Variants in PRKDC observed in about 807,000 individuals in gnomAD.
The protein encoded by PRKDC is DNA-dependent protein kinase catalytic subunit.
A neutral mutation model predicts 486.9 loss-of-function variants in PRKDC; 82 were observed. That is an observed-to-expected ratio of 0.17 (90% CI 0.14 to 0.20). The LOEUF (loss-of-function observed/expected upper bound fraction) is 0.20. Ranked by LOEUF, PRKDC falls within the 10% of genes least tolerant of loss-of-function variation. The pLI is 1.00. For synonymous variants in PRKDC, 1,895 were observed against 1,837.0 expected, an observed-to-expected ratio of 1.03 and a Z score of -0.81; for missense variants, 4,504 against 5,038.2, an observed-to-expected ratio of 0.89 and a Z score of 3.21.
chr8:47,917,352 T>A (rs2090002989), intron 22 of PRKDC, among the ~76,000 whole-genome samples: 1 of 152,228 alleles, frequency 6.6e-6, no homozygotes, highest in Non-Finnish European at 1.5e-5. Flanking sequence ...ATAAAAACTT[T>A]TATGCCGCCA....
At chr8:47,885,698 C>T (rs2089311927) in intron 36 of PRKDC, among the ~76,000 whole-genome samples, 1 of 152,136 alleles carries the variant, frequency 6.6e-6, no homozygotes, top group South Asian at 2.1e-4. Flanking sequence ...CAAGACCAGC[C>T]TGGCCAACAT....
chr8:47,797,957 C>A (rs1475333604), intron 73 of PRKDC, among the ~76,000 whole-genome samples: 1 of 152,232 alleles, frequency 6.6e-6, no homozygotes, highest in African/African-American at 2.4e-5. Flanking sequence ...AAGTTTCCCA[C>A]ACAAGATCCC....
At chr8:47,846,268 T>C in intron 54 of PRKDC, among the ~76,000 whole-genome samples, 1 of 151,838 alleles carries the variant, frequency 6.6e-6, no homozygotes, top group East Asian at 1.9e-4. Flanking sequence ...ATACAAAAAT[T>C]AGCCAGGCAT....
intron 29 of PRKDC, 135 bp from the exon 30 acceptor site, chr8:47,897,429 T>A: frequency 1.2e-6 from 1 of 840,902 alleles, no homozygotes; most frequent in East Asian, 2.6e-5. Context: ...TTCGACTTAT[T>A]TTTAATGTAT....
At chr8:47,920,813 T>C (rs1022613226) in intron 21 of PRKDC, among the ~76,000 whole-genome samples, 1 of 152,232 alleles carries the variant, frequency 6.6e-6, no homozygotes, top group African/African-American at 2.4e-5. Flanking sequence ...TGGTGTAATA[T>C]ACATAACATG....
Position 47,886,078 on chromosome 8 carries a change from C to T in PRKDC, c.4642G>A (p.Gly1548Ser). The T allele has an allele frequency of 6.2e-7, 1 of 1,613,566 alleles. No individual in the cohort carries two copies. The highest frequency in any genetic ancestry group is 8.5e-7 in the Non-Finnish European group (1 of 1,179,886). The change falls in exon 36 of 86, where the codon GGC becomes AGC. Residue 1548 changes from glycine to serine, a missense_variant. Around this residue, in one of 6 missense-constraint regions of PRKDC, gnomAD observed 1,969 missense variants for 2,068.9 expected, o/e 0.95. Coordinates refer to ENST00000314191, the MANE Select transcript of PRKDC (RefSeq NM_006904.7). ...LSTASLGSSQ[G>S]SVIHFSHGEY... ...CCATGGGAGAAGTGGATGACGCTGC[C>T]CTGTGAGCTGCCCAAGGACGCCGTG...
intron 7 of PRKDC, among the ~76,000 whole-genome samples, chr8:47,948,111 C>T (rs1475944407): frequency 6.6e-6 from 1 of 151,268 alleles, no homozygotes; most frequent in Non-Finnish European, 1.5e-5. Context: ...CACACACACA[C>T]ACACACACAC....
chr8:47,881,230 A>AAACAAAC (rs919927296), intron 38 of PRKDC, among the ~76,000 whole-genome samples, 186 bp downstream of exon 38: 1 of 152,176 alleles, frequency 6.6e-6, no homozygotes, highest in Non-Finnish European at 1.5e-5. Flanking sequence ...CGCACAGGTG[A>AAACAAAC]AACAAACACA....
At position 47,859,642 on chromosome 8, in the gene PRKDC, G is replaced by A; in HGVS notation, c.6176C>T (p.Pro2059Leu). Reference protein sequence around the residue: ...VQSYSYSSQDPRPATGRFRRR... With the variant: ...VQSYSYSSQDLRPATGRFRRR... ...CCGAAAACGACCAGTGGCAGGTCTA[G>A]GGTCTTGGGAGCTGTATGAATAGCT... Residue 2059 changes from proline to leucine, a missense_variant, in exon 46 of 86, where the codon CCT becomes CTT. Physicochemically the swap from Pro to Leu is moderately conservative, Grantham distance 98. Coordinates refer to ENST00000314191, the MANE Select transcript of PRKDC (RefSeq NM_006904.7). 1 of 1,613,616 alleles carries A rather than the reference G, an allele frequency of 6.2e-7. No homozygotes were observed. Among genetic ancestry groups the A allele is most frequent in the South Asian group, 1.1e-5 (1 of 90,952 alleles).
rs760870903 is a variant in PRKDC, at chr8:47,918,259, A to G, written c.2526+18T>C. On this transcript the variant is annotated intron_variant, in intron 22 of 85. Transcript: ENST00000314191. ...CTCTGCATTATGTAAGGTACAGAAAATACAAAGGACTTCTTACTGATGAAA... is the reference window on the plus strand; with the variant it reads ...CTCTGCATTATGTAAGGTACAGAAAGTACAAAGGACTTCTTACTGATGAAA... 11 of 1,505,038 alleles carry G rather than the reference A, an allele frequency of 7.3e-6. No homozygotes were observed. The Admixed American group carries it at 2.2e-4, about 31-fold the overall frequency. 93.2% of individuals were successfully genotyped at this position (1,505,038 alleles called of 1,614,324 possible). A position where few individuals can be genotyped will look rare whatever the true frequency, so the allele number is the denominator to read the frequency against.
chr8:47,843,826 C>G (rs1255796360), intron 54 of PRKDC, among the ~76,000 whole-genome samples: 2 of 152,174 alleles, frequency 1.3e-5, no homozygotes, highest in Non-Finnish European at 2.9e-5. Flanking sequence ...AAATAAAGTC[C>G]TTTTCAGACA....
chr8:47,817,286 C>G (rs1428855767), intron 68 of PRKDC, among the ~76,000 whole-genome samples, 164 bp downstream of exon 68: 6 of 152,130 alleles, frequency 3.9e-5, no homozygotes, highest in Admixed American at 3.9e-4. Context: ...ACACTGCAGA[C>G]ACGGAGAGCT....
chr8:47,868,009 A>G (rs1246462749), intron 40 of PRKDC, among the ~76,000 whole-genome samples: 1 of 152,170 alleles, frequency 6.6e-6, no homozygotes, highest in Non-Finnish European at 1.5e-5. Context: ...CCAGAGAGAA[A>G]AGCAACCTTT....
intron 17 of PRKDC, 40 bp from the exon 18 acceptor site, chr8:47,930,052 T>C (rs1053437074): frequency 4.5e-6 from 7 of 1,538,598 alleles, no homozygotes; most frequent in Non-Finnish European, 5.3e-6. Flanking sequence ...GAAATTTGTA[T>C]CATTCTGATC....
At chr8:47,852,485 AT>A (rs1336410347) in intron 52 of PRKDC, among the ~76,000 whole-genome samples, 187 bp downstream of exon 52, 2 of 152,256 alleles carry the variant, frequency 1.3e-5, no homozygotes, top group African/African-American at 4.8e-5. Context: ...TTTAAAAATC[AT>A]GTGCCCTCTC....
intron 54 of PRKDC, among the ~76,000 whole-genome samples, chr8:47,845,157 GT>G: frequency 1.3e-5 from 2 of 152,246 alleles, no homozygotes; most frequent in Non-Finnish European, 2.9e-5. Context: ...GGAGGTGGAG[GT>G]TGCAGTGAGC....
intron 28 of PRKDC, 53 bp downstream of exon 28, chr8:47,900,320 T>G (rs1202843180): frequency 2.2e-6 from 3 of 1,336,142 alleles, no homozygotes; most frequent in Non-Finnish European, 3.0e-6. Context: ...AACTCCTCAT[T>G]GGGGAAACTC....
At chr8:47,818,784 ATTAATT>A in intron 67 of PRKDC, among the ~76,000 whole-genome samples, 1 of 152,314 alleles carries the variant, frequency 6.6e-6, no homozygotes, top group East Asian at 1.9e-4. Flanking sequence ...ATCTTTTGTA[ATTAATT>A]TTAATTATTT....
intron 70 of PRKDC, 133 bp downstream of exon 70, chr8:47,803,172 TG>T: frequency 1.2e-6 from 1 of 821,410 alleles, no homozygotes; most frequent in Middle Eastern, 2.8e-4. Flanking sequence ...TGGCTCACTT[TG>T]CTATATTCCC....
Sources: gnomAD v4.1 joint callset for allele counts (sites outside exome capture counted in the v4.1 genomes callset) on GRCh38, gnomAD v4.1.1 for gene constraint, gnomAD v4.1.1 regional missense constraint, MANE v1.5 for transcripts, NCBI Gene and HGNC (gene_info 2026-07-23, HGNC 2026-07-21) for gene names.